TMEM74: variants seen among roughly 807,000 people sequenced by gnomAD.
TMEM74 encodes transmembrane protein 74.
In TMEM74, 13 loss-of-function variants were observed where a neutral mutation model predicts 18.1. The ratio of observed to expected loss-of-function variants is 0.72; its 90% CI spans 0.47 to 1.14. The LOEUF is 1.14. Ranked by LOEUF, TMEM74 falls within the 50% of genes most tolerant of loss-of-function variation. The pLI, the probability that TMEM74 is intolerant of heterozygous loss-of-function variation, is 0.00. For missense variants in TMEM74, 372 were observed against 375.9 expected (o/e 0.99, Z 0.09); for synonymous variants, 159 against 146.6 (o/e 1.08, Z -0.61).
At chr8:108,752,360 G>A (rs1813912474) in intron 1 of TMEM74, among the ~76,000 whole-genome samples, 1 of 152,008 alleles carries the variant, frequency 6.6e-6, no homozygotes, top group Admixed American at 6.6e-5. Flanking sequence ...TTCACCTAAA[G>A]GCTGTGACGA....
intron 1 of TMEM74, among the ~76,000 whole-genome samples, chr8:108,730,634 C>CTTTTTTTTTTTTTTTTTTTTTTTTTTTTT (rs1199122765): frequency 2.0e-4 from 26 of 132,178 alleles, no homozygotes; most frequent in African/African-American, 7.7e-4. Flanking sequence ...TGCAGACTTC[C>CTTTTTTTTTTTTTTTTTTTTTTTTTTTTT]TTTTTTTTTT....
At chr8:108,609,298 C>T (rs142898572) in intron 2 of TMEM74, among the ~76,000 whole-genome samples, 106 of 151,936 alleles carry the variant, frequency 7.0e-4, no homozygotes, top group African/African-American at 2.4e-3. Flanking sequence ...AGCAGCTGAA[C>T]CTGAGTCCAA....
At chr8:108,731,888 C>T (rs1586276844) in intron 1 of TMEM74, among the ~76,000 whole-genome samples, 1 of 151,934 alleles carries the variant, frequency 6.6e-6, no homozygotes, top group East Asian at 1.9e-4. Flanking sequence ...GAATCTACAC[C>T]ACATAAAACA....
At chr8:108,639,991 G>T (rs537896494) in intron 2 of TMEM74, among the ~76,000 whole-genome samples, 2 of 151,864 alleles carry the variant, frequency 1.3e-5, no homozygotes, top group African/African-American at 4.8e-5. Context: ...ATATCACCAC[G>T]CAGGGAAAGA....
rs1313420660 is a variant in TMEM74, at chr8:108,779,088, A to T, written c.*5093T>A. 1.3e-5 allele frequency among the ~76,000 whole-genome samples: 2 copies of T among 152,200 alleles called. No individual in the cohort carries two copies. The highest frequency in any genetic ancestry group is 4.8e-5 in the African/African-American group (2 of 41,456). On this transcript the variant is annotated 3_prime_UTR_variant, in exon 2 of 2. Coordinates refer to ENST00000297459, the MANE Select transcript of TMEM74 (RefSeq NM_153015.3). ...AAATTAAGCTTAATAAACACAATAA[A>T]GCCTTTGAATAGTTTTATTTTAAAA...
intron 1 of TMEM74, among the ~76,000 whole-genome samples, chr8:108,669,328 G>C (rs545554767): frequency 6.6e-6 from 1 of 152,194 alleles, no homozygotes; most frequent in East Asian, 1.9e-4. Flanking sequence ...ATATAAGGAG[G>C]ACACACACAA....
intron 1 of TMEM74, among the ~76,000 whole-genome samples, chr8:108,693,329 A>C (rs571768304): frequency 1.4e-3 from 215 of 152,342 alleles, no homozygotes; most frequent in Admixed American, 5.2e-3. Context: ...AGTTACATTT[A>C]CTTTAAAAAG....
intron 1 of TMEM74, among the ~76,000 whole-genome samples, chr8:108,708,346 A>G (rs1465791304): frequency 6.6e-6 from 1 of 151,606 alleles, no homozygotes; most frequent in Non-Finnish European, 1.5e-5. Context: ...ACGAACATAC[A>G]CATGCATGTG....
Position 108,784,763 on chromosome 8 carries a change from G to T in TMEM74, c.336C>A (p.Thr112=), listed in dbSNP as rs1230044007. 6.2e-7 allele frequency: 1 copy of T among 1,614,044 alleles called. No individual in the cohort carries two copies. The highest frequency in any genetic ancestry group is 1.3e-5 in the African/African-American group (1 of 74,924). ...CCAAGTTGATGTTTTTGTCCACATA[G>T]GTAAAAGAAGTTTCTAATTCCTGGC... ...CCSQELETSF[T]YVDKNINLEQ... Residue 112 remains threonine, a synonymous_variant, in exon 2 of 2, where the codon ACC becomes ACA. Coordinates refer to ENST00000297459, the MANE Select transcript of TMEM74 (RefSeq NM_153015.3).
intron 2 of TMEM74, among the ~76,000 whole-genome samples, chr8:108,623,310 G>A (rs567437073): frequency 2.0e-5 from 3 of 152,160 alleles, no homozygotes; most frequent in African/African-American, 7.2e-5. Flanking sequence ...TTTGGCTCCA[G>A]ATAAGCAAAA....
At chr8:108,705,157 T>G (rs1813384905) in intron 1 of TMEM74, among the ~76,000 whole-genome samples, 1 of 152,198 alleles carries the variant, frequency 6.6e-6, no homozygotes, top group East Asian at 1.9e-4. Context: ...ACCCTTTTCT[T>G]TACTGAGTAT....
chr8:108,748,639 C>G (rs1023963914), intron 1 of TMEM74, among the ~76,000 whole-genome samples: 2 of 148,998 alleles, frequency 1.3e-5, no homozygotes, highest in Non-Finnish European at 3.0e-5. Context: ...GAAATCTTTG[C>G]CCCTACCTAT....
intron 1 of TMEM74, among the ~76,000 whole-genome samples, chr8:108,752,292 C>G (rs1469873607): frequency 6.6e-6 from 1 of 152,034 alleles, no homozygotes. Context: ...AACAAAAGTT[C>G]TTTACAAGGG....
At chr8:108,745,162 A>G (rs892146418) in intron 1 of TMEM74, among the ~76,000 whole-genome samples, 17 of 152,116 alleles carry the variant, frequency 1.1e-4, no homozygotes, top group African/African-American at 4.1e-4. Flanking sequence ...TCCTCTGTTT[A>G]GTTGGGGGGA....
intron 1 of TMEM74, among the ~76,000 whole-genome samples, chr8:108,742,345 A>T (rs935734695): frequency 6.6e-6 from 1 of 152,190 alleles, no homozygotes; most frequent in Non-Finnish European, 1.5e-5. Flanking sequence ...TGCCTTATGC[A>T]TGTATTACCT....
intron 1 of TMEM74, among the ~76,000 whole-genome samples, chr8:108,786,150 T>G (rs1328610094): frequency 6.6e-6 from 1 of 152,172 alleles, no homozygotes; most frequent in Non-Finnish European, 1.5e-5. Context: ...AAGAGTTCTG[T>G]GGAGACAAAT....
intron 2 of TMEM74, among the ~76,000 whole-genome samples, chr8:108,638,678 C>G (rs923093102): frequency 2.0e-5 from 3 of 151,952 alleles, no homozygotes; most frequent in Admixed American, 6.6e-5. Context: ...TATGTGTAGC[C>G]TCTTACTCCT....
intron 1 of TMEM74, among the ~76,000 whole-genome samples, chr8:108,746,955 C>G (rs1158502589): frequency 6.6e-6 from 1 of 152,086 alleles, no homozygotes; most frequent in Non-Finnish European, 1.5e-5. Context: ...TGATTTATAT[C>G]TTTCTATAAT....
chr8:108,731,926 C>G (rs1813699302), intron 1 of TMEM74, among the ~76,000 whole-genome samples: 1 of 151,960 alleles, frequency 6.6e-6, no homozygotes, highest in Admixed American at 6.6e-5. Context: ...AAAAAAAAGC[C>G]CACCATTTTT....
Sources: gnomAD v4.1 joint callset for allele counts (sites outside exome capture counted in the v4.1 genomes callset) on GRCh38, gnomAD v4.1.1 for gene constraint, MANE v1.5 for transcripts, NCBI Gene and HGNC (gene_info 2026-07-23, HGNC 2026-07-21) for gene names.